Variants in POLR2F observed in about 807,000 individuals in gnomAD.
The protein encoded by POLR2F is RNA polymerase II, I and III subunit F.
A neutral mutation model predicts 22.7 loss-of-function variants in POLR2F; 12 were observed. That is an observed-to-expected ratio of 0.53 (90% CI 0.34 to 0.86). POLR2F has a LOEUF of 0.86. POLR2F is among the 40% of genes least tolerant of loss of function. The pLI, the probability that POLR2F is intolerant of heterozygous loss-of-function variation, is 0.02. For synonymous variants in POLR2F, 57 were observed against 66.0 expected, an observed-to-expected ratio of 0.86 and a Z score of 0.66; for missense variants, 126 against 171.5, an observed-to-expected ratio of 0.73 and a Z score of 1.48.
rs1027988182 is a variant in POLR2F at position 37,968,668 on chromosome 22, A to G, written c.*953A>G. The G allele has an allele frequency of 3.0e-6, 3 of 985,400 alleles. No individual in the cohort carries two copies. Among genetic ancestry groups the G allele is most frequent in the Non-Finnish European group, 3.6e-6 (3 of 829,914 alleles). 61.0% of individuals were successfully genotyped at this position (985,400 alleles called of 1,614,324 possible). A position where few individuals can be genotyped will look rare whatever the true frequency, so the allele number is the denominator to read the frequency against. ...CTAGAGGGGGTCAGGGGGAGGGTGT[A>G]TATTGACATGAACAGGGATAGAGGG... On this transcript the variant is annotated 3_prime_UTR_variant, in exon 5 of 5. Coordinates refer to ENST00000442738, the MANE Select transcript of POLR2F (RefSeq NM_021974.5).
downstream of POLR2F, among the ~76,000 whole-genome samples, chr22:38,028,996 A>G (rs972020923): frequency 4.6e-5 from 7 of 152,134 alleles, no homozygotes; most frequent in African/African-American, 1.7e-4. Flanking sequence ...TGGGCAGGAG[A>G]GGCTTCTGAA....
At chr22:37,983,223 C>G (rs922219943), upstream of POLR2F, 2 of 1,098,210 alleles carry the variant, frequency 1.8e-6, no homozygotes, top group Admixed American at 2.0e-5. The surrounding 1 kb of genome is among the most constrained non-coding windows in gnomAD (Gnocchi z 9.5). Flanking sequence ...GCCCCCACAC[C>G]TGGTCTTCCA....
chr22:38,041,055 T>C (rs2085167438), intron 5 of POLR2F: 1 of 1,612,872 alleles, frequency 6.2e-7, no homozygotes, highest in Non-Finnish European at 8.5e-7. Flanking sequence ...GTTATCCCTG[T>C]GTTATTTTCC....
intron 1 of POLR2F, among the ~76,000 whole-genome samples, chr22:38,014,095 C>T (rs2084894828): frequency 1.4e-5 from 2 of 140,756 alleles, no homozygotes; most frequent in Admixed American, 7.6e-5. Context: ...GCACTCCAGC[C>T]TGGGCAACAA....
chr22:37,954,252 G>A (rs1218768147), intron 1 of POLR2F, among the ~76,000 whole-genome samples: 1 of 152,034 alleles, frequency 6.6e-6, no homozygotes, highest in Non-Finnish European at 1.5e-5. Flanking sequence ...GAGGGTCTGG[G>A]GCAGCTCCAC....
intron 1 of POLR2F, among the ~76,000 whole-genome samples, chr22:38,025,299 C>G (rs1362643919): frequency 6.6e-6 from 1 of 152,164 alleles, no homozygotes; most frequent in Admixed American, 6.6e-5. Flanking sequence ...CACAGATGCA[C>G]TTGCAATCAC....
At chr22:38,041,035 C>T (rs373518263) in intron 5 of POLR2F, 61 of 1,612,638 alleles carry the variant, frequency 3.8e-5, no homozygotes, top group Admixed American at 3.5e-4. Context: ...TGAAGGAAGA[C>T]GGCACCGTAG....
At chr22:37,982,626 A>T (rs1264804714), upstream of POLR2F, among the ~76,000 whole-genome samples, 2 of 152,014 alleles carry the variant, frequency 1.3e-5, no homozygotes, top group Non-Finnish European at 2.9e-5. Context: ...GAGGTTGCTC[A>T]ACGTTGGGGT....
At chr22:37,981,505 C>T (rs910121793), upstream of POLR2F, among the ~76,000 whole-genome samples, 2 of 152,172 alleles carry the variant, frequency 1.3e-5, no homozygotes, top group African/African-American at 2.4e-5. Context: ...GGAGTCCAAG[C>T]CCAGGGTTCT....
At chr22:38,028,410 C>T (rs2085033838), downstream of POLR2F, among the ~76,000 whole-genome samples, 1 of 152,140 alleles carries the variant, frequency 6.6e-6, no homozygotes, top group Non-Finnish European at 1.5e-5. Context: ...TGGACAACTC[C>T]CTGTGCTCCA....
chr22:37,956,941 C>T (rs765340618), intron 2 of POLR2F, 99 bp downstream of exon 2: 1 of 923,314 alleles, frequency 1.1e-6, no homozygotes, highest in Non-Finnish European at 1.8e-6. Context: ...TATTTGTGGT[C>T]AAGGCCCCTG....
chr22:37,956,963 C>G (rs938586464), intron 2 of POLR2F, 121 bp downstream of exon 2: 10 of 793,938 alleles, frequency 1.3e-5, no homozygotes, highest in African/African-American at 1.2e-4. Flanking sequence ...CATAAGCATT[C>G]CCAGTTAGAG....
At chr22:38,015,678 G>C (rs997785998) in intron 1 of POLR2F, among the ~76,000 whole-genome samples, 4 of 152,170 alleles carry the variant, frequency 2.6e-5, no homozygotes, top group Non-Finnish European at 5.9e-5. Flanking sequence ...TGCCCCCTCT[G>C]TGGGGGCCAT....
chr22:37,991,009 TG>T (rs1449131655), intron 1 of POLR2F, among the ~76,000 whole-genome samples: 1 of 152,194 alleles, frequency 6.6e-6, no homozygotes, highest in East Asian at 1.9e-4. Context: ...GGGTGGGACG[TG>T]GTGGTTCACG....
At chr22:37,957,690 C>T (rs1931455263) in intron 2 of POLR2F, among the ~76,000 whole-genome samples, 1 of 152,120 alleles carries the variant, frequency 6.6e-6, no homozygotes, top group South Asian at 2.1e-4. Flanking sequence ...GATTGTGCCT[C>T]CTAGATGTAC....
At chr22:37,996,423 C>T (rs1241427378) in intron 1 of POLR2F, among the ~76,000 whole-genome samples, 3 of 152,250 alleles carry the variant, frequency 2.0e-5, no homozygotes, top group African/African-American at 4.8e-5. Context: ...GGGACAAGGG[C>T]GGGGCAGTGG....
chr22:38,033,823 G>A (rs891906438), intron 5 of POLR2F, among the ~76,000 whole-genome samples: 2 of 152,314 alleles, frequency 1.3e-5, no homozygotes, highest in East Asian at 3.9e-4. Context: ...GCCCGTGGAA[G>A]GGCCTCGAGG....
chr22:37,973,978 G>A (rs200226880), downstream of POLR2F: 87 of 1,612,322 alleles, frequency 5.4e-5, no homozygotes, highest in Non-Finnish European at 6.9e-5. Context: ...CATGGCCTGG[G>A]TGCCCATTGG....
At chr22:37,961,880 T>C (rs1931657010) in intron 3 of POLR2F, among the ~76,000 whole-genome samples, 2 of 151,588 alleles carry the variant, frequency 1.3e-5, no homozygotes, top group Admixed American at 6.6e-5. Context: ...ATGTGGGAAA[T>C]GGTGGGTATC....
Sources: allele counts gnomAD v4.1 joint callset (sites outside exome capture counted in the v4.1 genomes callset), GRCh38; gene constraint gnomAD v4.1.1; non-coding constraint Gnocchi (gnomAD v3.1); transcripts MANE v1.5; gene names NCBI Gene and HGNC (gene_info 2026-07-23, HGNC 2026-07-21).